The following HSDL1 variants were observed in gnomAD, a reference collection of about 807,000 sequenced individuals.
HSDL1 encodes the protein inactive hydroxysteroid dehydrogenase-like protein 1.
In HSDL1, 29 loss-of-function variants were observed where a neutral mutation model predicts 31.5. The ratio of observed to expected loss-of-function variants is 0.92; its 90% confidence interval spans 0.69 to 1.26. HSDL1 has a LOEUF of 1.26. HSDL1 is among the 50% of genes most tolerant of loss of function. The pLI is 0.00. For synonymous variants in HSDL1, 222 were observed against 155.2 expected, an observed-to-expected ratio of 1.43 and a Z score of -3.20; for missense variants, 503 against 416.6, an observed-to-expected ratio of 1.21 and a Z score of -1.81.
chr16:84,144,197 GCGCA>G (rs2086809738), intron 1 of HSDL1: 1 of 151,912 alleles, frequency 6.6e-6, no homozygotes, highest in South Asian at 2.1e-4. Flanking sequence ...ATCTTATAAA[GCGCA>G]GTCAGACTCT....
At chr16:84,137,586 T>C (rs975467527) in intron 1 of HSDL1, among the ~76,000 whole-genome samples, 5 of 152,186 alleles carry the variant, frequency 3.3e-5, no homozygotes, top group African/African-American at 1.2e-4. Context: ...CAAGGCTCTG[T>C]GGCCTCTGCT....
In HSDL1 at chr16:84,141,407, C is replaced by T. The variant is rs1039307947; in HGVS notation, c.-69+3673G>A. ...GCTGGTTCAGATACACCACGATTCACAGGTCCCCCTGCTGCTGGTGCTAGG... is the reference window on the plus strand; with the variant it reads ...GCTGGTTCAGATACACCACGATTCATAGGTCCCCCTGCTGCTGGTGCTAGG... On this transcript the variant is annotated intron_variant, in intron 1 of 5. Transcript: ENST00000219439. Among the ~76,000 whole-genome samples, 4 of 152,270 alleles carry T rather than the reference C, an allele frequency of 2.6e-5. No individual in the cohort carries two copies. In the Middle Eastern group the frequency reaches 0.01, roughly 388 times the overall value.
At chr16:84,133,662 G>T (rs551816559) in intron 2 of HSDL1, among the ~76,000 whole-genome samples, 52 of 152,310 alleles carry the variant, frequency 3.4e-4, no homozygotes, top group Admixed American at 1.8e-3. Flanking sequence ...CCGGGAGGAG[G>T]AAGTTACAGT....
intron 5 of HSDL1, among the ~76,000 whole-genome samples, chr16:84,127,930 A>G (rs933248538): frequency 1.3e-5 from 2 of 150,760 alleles, no homozygotes; most frequent in African/African-American, 2.4e-5. Context: ...GGTGTTAGCC[A>G]GGATGGTCTC....
At position 84,122,682 on chromosome 16, in the gene HSDL1, T is replaced by A. The variant is rs1006989414; in HGVS notation, c.*1948A>T. 4 of 152,100 alleles carry A rather than the reference T, an allele frequency of 2.6e-5. No individual in the cohort carries two copies. The highest frequency in any genetic ancestry group is 9.7e-5 in the African/African-American group (4 of 41,418). The allele number at this position is 152,100 out of a possible 1,614,324, so 9.4% of individuals were successfully genotyped here. On this transcript the variant is annotated 3_prime_UTR_variant, in exon 6 of 6. Coordinates refer to ENST00000219439, the MANE Select transcript of HSDL1 (RefSeq NM_031463.5). ...TTCCCACATTCTTAATGACACCCCA[T>A]CCACAGTGGTCCAATCAACTTTCAA...
At chr16:84,125,972 G>A (rs144401767) in intron 5 of HSDL1, among the ~76,000 whole-genome samples, 1,977 of 152,086 alleles carry the variant, frequency 0.013, 44 homozygotes, top group African/African-American at 0.043. Context: ...GCGTGGTGGC[G>A]GGAGCCTGTA....
At chr16:84,138,602 A>G (rs2086735333) in intron 1 of HSDL1, among the ~76,000 whole-genome samples, 1 of 152,226 alleles carries the variant, frequency 6.6e-6, no homozygotes, top group Non-Finnish European at 1.5e-5. Flanking sequence ...TTATTTGTCA[A>G]TTATACTTCG....
At position 84,123,507 on chromosome 16, in the gene HSDL1, A is replaced by G. The variant is rs1256964161; in HGVS notation, c.*1123T>C. On this transcript the variant is annotated 3_prime_UTR_variant, in exon 6 of 6. Coordinates refer to ENST00000219439, the MANE Select transcript of HSDL1 (RefSeq NM_031463.5). ...TAACGCGTATTGTGAGGGTTTGTGC[A>G]TAATTATCTTCACACCAGTAAAGGT... The G allele has an allele frequency of 1.3e-5, 2 of 152,262 alleles. No individual in the cohort carries two copies. Among genetic ancestry groups the G allele is most frequent in the Admixed American group, 6.5e-5 (1 of 15,282 alleles). The allele number at this position is 152,262 out of a possible 1,614,324, so 9.4% of individuals were successfully genotyped here.
At chr16:84,139,086 C>T (rs1567524001) in intron 1 of HSDL1, 1 of 152,222 alleles carries the variant, frequency 6.6e-6, no homozygotes, top group African/African-American at 2.4e-5. Flanking sequence ...GCAGACTGGC[C>T]AGGGTTTTAA....
chr16:84,128,297 A>G (rs2086628895), intron 5 of HSDL1, among the ~76,000 whole-genome samples: 1 of 152,014 alleles, frequency 6.6e-6, no homozygotes, highest in Admixed American at 6.6e-5. Context: ...CTCAAAAAAA[A>G]AAAAATTCTA....
intron 2 of HSDL1, among the ~76,000 whole-genome samples, chr16:84,134,372 C>G (rs992010746): frequency 2.6e-5 from 4 of 152,248 alleles, no homozygotes; most frequent in Admixed American, 2.6e-4. Flanking sequence ...CCTGTAATCC[C>G]AGCACTTTGG....
chr16:84,142,332 C>T (rs374443269), intron 1 of HSDL1, among the ~76,000 whole-genome samples: 283 of 151,514 alleles, frequency 1.9e-3, no homozygotes, highest in African/African-American at 5.6e-3. Flanking sequence ...GAAATTTTTT[C>T]GAATTATTTT....
At chr16:84,127,279 G>A (rs1053244173) in intron 5 of HSDL1, among the ~76,000 whole-genome samples, 6 of 141,380 alleles carry the variant, frequency 4.2e-5, no homozygotes, top group East Asian at 4.2e-4. Context: ...GTACAGTGAC[G>A]TGATCAGCTC....
At chr16:84,137,900 G>A (rs987708024) in intron 1 of HSDL1, among the ~76,000 whole-genome samples, 1 of 152,226 alleles carries the variant, frequency 6.6e-6, no homozygotes, top group Non-Finnish European at 1.5e-5. Flanking sequence ...TTAGGTATCT[G>A]ACTAGTTACT....
chr16:84,134,584 C>A (rs1033560446), intron 2 of HSDL1, among the ~76,000 whole-genome samples: 1 of 152,026 alleles, frequency 6.6e-6, no homozygotes, highest in Middle Eastern at 3.2e-3. Context: ...TGCACTCCAG[C>A]CTGGGCGACA....
Position 84,131,093 on chromosome 16 carries a change from G to A in HSDL1, c.220+9C>T. 6.3e-7 allele frequency: 1 copy of A among 1,591,114 alleles called. No individual in the cohort carries two copies. The highest frequency in any genetic ancestry group is 8.6e-7 in the Non-Finnish European group (1 of 1,162,274). ...CAGAAAAGATTATTTTGATTATAAA[G>A]TAGGTTACCGCTGACAACGGCCCAT... On this transcript the variant is annotated intron_variant, in intron 3 of 5. Coordinates refer to ENST00000219439, the MANE Select transcript of HSDL1 (RefSeq NM_031463.5).
intron 1 of HSDL1, among the ~76,000 whole-genome samples, chr16:84,140,638 A>G (rs901644578): frequency 1.3e-5 from 2 of 152,210 alleles, no homozygotes; most frequent in African/African-American, 4.8e-5. Flanking sequence ...ACAGCCACTT[A>G]GCCACCAGCC....
At position 84,131,249 on chromosome 16, in the gene HSDL1, G is replaced by C. The variant is rs2086661635; in HGVS notation, c.73C>G (p.Leu25Val). Residue 25 changes from leucine to valine, a missense_variant, in exon 3 of 6, where the codon CTA becomes GTA. Coordinates refer to ENST00000219439, the MANE Select transcript of HSDL1 (RefSeq NM_031463.5). The part of the protein sequence containing the change: ...ARSCNCYMEA[L>V]ALVGAWYTAR... ...GTATACCAGGCTCCAACCAAAGCTA[G>C]AGCTTCCATATAGCAATTGCAAGAC... is the stretch of plus-strand genomic sequence containing the variant. The C allele has an allele frequency of 1.9e-6, 3 of 1,614,048 alleles. No individual in the cohort carries two copies. Among genetic ancestry groups the C allele is most frequent in the South Asian group, 1.1e-5 (1 of 91,090 alleles).
chr16:84,124,774 AACACTGAAGGAACAAGT>A (rs1422039488), intron 5 of HSDL1, 46 bp from the exon 6 acceptor site: 2 of 1,305,328 alleles, frequency 1.5e-6, no homozygotes, highest in Non-Finnish European at 2.2e-6. Flanking sequence ...ACCCAAAATC[AACACTGAAGGAACAAGT>A]ACACAGACCA....
Sources: gnomAD v4.1 joint callset for allele counts (sites outside exome capture counted in the v4.1 genomes callset) on GRCh38, gnomAD v4.1.1 for gene constraint, MANE v1.5 for transcripts, NCBI Gene and HGNC (gene_info 2026-07-23, HGNC 2026-07-21) for gene names.